Variants in ERVK3-1 observed in about 807,000 individuals in gnomAD.
ERVK3-1 encodes the protein HERV-K(HML6-1).
Position 58,314,746 on chromosome 19 carries a change from A to G in ERVK3-1, c.295-2A>G, listed in dbSNP as rs1406881457. 1.0e-5 allele frequency: 4 copies of G among 399,282 alleles called. No individual in the cohort carries two copies. The highest frequency in any genetic ancestry group is 1.8e-5 in the Non-Finnish European group (4 of 225,812). The allele number at this position is 399,282 out of a possible 1,614,324, so 24.7% of individuals were successfully genotyped here. A position where few individuals can be genotyped will look rare whatever the true frequency, so the allele number is the denominator to read the frequency against. On this transcript the variant is annotated splice_acceptor_variant, in intron 3 of 3. Coordinates refer to ENST00000413518, the Ensembl canonical transcript of ERVK3-1. LOFTEE classifies it high-confidence loss of function. ...GTTATGTCTCTGTTTTTTTGCTCAT[A>G]GTCTATAGGATCGGGTGAACCACCA...
At chr19:58,308,212 A>T (rs1049993164) in intron 2 of ERVK3-1, among the ~76,000 whole-genome samples, 1 of 152,266 alleles carries the variant, frequency 6.6e-6, no homozygotes, top group African/African-American at 2.4e-5. Flanking sequence ...ACAACTACAC[A>T]GGAAATTTAC....
At chr19:58,307,066 G>C (rs1568532278) in intron 2 of ERVK3-1, among the ~76,000 whole-genome samples, 1 of 152,246 alleles carries the variant, frequency 6.6e-6, no homozygotes, top group Non-Finnish European at 1.5e-5. Context: ...GAACATTACA[G>C]AGGAAATGCT....
intron 2 of ERVK3-1, 27 bp downstream of exon 2, chr19:58,306,243 G>A (rs866379591): frequency 1.1e-4 from 16 of 152,364 alleles, no homozygotes; most frequent in African/African-American, 3.1e-4. Context: ...GGTATCGGGA[G>A]CGGGAGGTTT....
At chr19:58,308,282 GTGT>G (rs995957007) in intron 2 of ERVK3-1, among the ~76,000 whole-genome samples, 13 of 152,242 alleles carry the variant, frequency 8.5e-5, no homozygotes, top group African/African-American at 2.4e-4. Flanking sequence ...AAGGAAAGAA[GTGT>G]TGTGGGTGTA....
In ERVK3-1 at chr19:58,313,570, C is replaced by T. The variant is rs2051570781; in HGVS notation, c.294+1108C>T. 6.6e-6 allele frequency among the ~76,000 whole-genome samples: 1 copy of T among 152,232 alleles called. No homozygotes were observed. The highest frequency in any genetic ancestry group is 2.4e-5 in the African/African-American group (1 of 41,460). On this transcript the variant is annotated intron_variant, in intron 3 of 3. Transcript: ENST00000413518. The surrounding 1 kb of genome is among the most constrained non-coding windows in gnomAD (Gnocchi z 4.5). ...CTTCCCAAAGTGCTGGGATTACAGG[C>T]GTGAGCCACCATGCCCGGCCAGTTT...
Position 58,313,347 on chromosome 19 carries a change from C to T in ERVK3-1, c.294+885C>T, listed in dbSNP as rs973817934. Among the ~76,000 whole-genome samples, 3 of 152,124 alleles carry T rather than the reference C, an allele frequency of 2.0e-5. No homozygotes were observed. Among genetic ancestry groups the T allele is most frequent in the Non-Finnish European group, 4.4e-5 (3 of 68,028 alleles). On this transcript the variant is annotated intron_variant, in intron 3 of 3. Coordinates refer to ENST00000413518, the Ensembl canonical transcript of ERVK3-1. This position sits in a 1 kb window ranked among gnomAD's most constrained non-coding sequence, Gnocchi z 4.5. ...TGTCGCCCAGGCTGGAGTGCAGTGGCGCAATCTCGGGTCACTGCAACCTTT... is the reference window on the plus strand; with the variant it reads ...TGTCGCCCAGGCTGGAGTGCAGTGGTGCAATCTCGGGTCACTGCAACCTTT...
intron 3 of ERVK3-1, 84 bp from the exon 4 acceptor site, chr19:58,314,664 G>A: frequency 2.8e-6 from 1 of 357,258 alleles, no homozygotes; most frequent in Non-Finnish European, 5.0e-6. Context: ...TCAACCCTTG[G>A]ACCTACCTTA....
In ERVK3-1 at chr19:58,313,370, T is replaced by A. The variant is rs1310516571; in HGVS notation, c.294+908T>A. 6.6e-6 allele frequency among the ~76,000 whole-genome samples: 1 copy of A among 152,172 alleles called. No individual in the cohort carries two copies. The highest frequency in any genetic ancestry group is 1.9e-4 in the East Asian group (1 of 5,198). Reference sequence around the variant, plus strand: ...GGCGCAATCTCGGGTCACTGCAACCTTTGCCTCCCGGGTTCAAGCAATTGT... The same window carrying A: ...GGCGCAATCTCGGGTCACTGCAACCATTGCCTCCCGGGTTCAAGCAATTGT... On this transcript the variant is annotated intron_variant, in intron 3 of 3. Transcript: ENST00000413518. The surrounding 1 kb of genome is among the most constrained non-coding windows in gnomAD (Gnocchi z 4.5).
At position 58,310,846 on chromosome 19, in the gene ERVK3-1, C is replaced by T. The variant is rs1230034030; in HGVS notation, c.-3-1320C>T. ...AGGGAGACCGCCCCCCACCCTTTCC[C>T]GGTCTGCTAAGTAGCGGGTGTTGTT... On this transcript the variant is annotated intron_variant, in intron 2 of 3. Coordinates refer to ENST00000413518, the Ensembl canonical transcript of ERVK3-1. The surrounding 1 kb of genome is among the most constrained non-coding windows in gnomAD (Gnocchi z 4.7). The T allele has an allele frequency of 4.8e-5, 19 of 398,918 alleles. No homozygotes were observed. Among genetic ancestry groups the T allele is most frequent in the African/African-American group, 2.1e-4 (10 of 48,132 alleles). The allele number at this position is 398,918 out of a possible 1,614,324, so 24.7% of individuals were successfully genotyped here.
intron 2 of ERVK3-1, chr19:58,309,661 C>T (rs551074493): frequency 1.5e-4 from 23 of 152,314 alleles, no homozygotes; most frequent in Admixed American, 3.3e-4. Context: ...GTTTATTCTT[C>T]CTACCCCCCA....
rs1235437437 is a variant in ERVK3-1 at position 58,313,012 on chromosome 19, C to T, written c.294+550C>T. 6.6e-6 allele frequency: 1 copy of T among 152,304 alleles called. No individual in the cohort carries two copies. Among genetic ancestry groups the T allele is most frequent in the Non-Finnish European group, 1.5e-5 (1 of 68,106 alleles). 9.4% of individuals were successfully genotyped at this position (152,304 alleles called of 1,614,324 possible). On this transcript the variant is annotated intron_variant, in intron 3 of 3. Transcript: ENST00000413518. The surrounding 1 kb of genome is among the most constrained non-coding windows in gnomAD (Gnocchi z 4.5). ...ACTGGCACTGGTGGTGGACCTTCAA[C>T]ACCTCTTCATCACATCACACTGGGA...
At chr19:58,315,812 A>T (rs1242761707), downstream of ERVK3-1, 1 of 152,282 alleles carries the variant, frequency 6.6e-6, no homozygotes, top group Non-Finnish European at 1.5e-5. Context: ...GCCTGTGCTC[A>T]TTAGCCATAC....
chr19:58,310,248 T>C lies in ERVK3-1; in HGVS notation c.-3-1918T>C, dbSNP rs539851896. Reference sequence around the variant, plus strand: ...TAGCTAGTTGCATTAAAACTGCCACTATCAAGAGTGTACGGACCAGCCCCA... The same window carrying C: ...TAGCTAGTTGCATTAAAACTGCCACCATCAAGAGTGTACGGACCAGCCCCA... On this transcript the variant is annotated intron_variant, in intron 2 of 3. Transcript: ENST00000413518. The surrounding 1 kb of genome is among the most constrained non-coding windows in gnomAD (Gnocchi z 4.7). 3.9e-5 allele frequency: 6 copies of C among 152,364 alleles called. No individual in the cohort carries two copies. Among genetic ancestry groups the C allele is most frequent in the African/African-American group, 1.4e-4 (6 of 41,454 alleles). The allele number at this position is 152,364 out of a possible 1,614,324, so 9.4% of individuals were successfully genotyped here.
At chr19:58,306,359 A>ACAT (rs1444122720) in intron 2 of ERVK3-1, 143 bp downstream of exon 2, 7 of 152,232 alleles carry the variant, frequency 4.6e-5, no homozygotes, top group African/African-American at 1.7e-4. Context: ...TAGTTCTCAA[A>ACAT]CATTAAGCTT....
intron 2 of ERVK3-1, 138 bp downstream of exon 2, chr19:58,306,354 C>G (rs1354896316): frequency 6.6e-6 from 1 of 152,216 alleles, no homozygotes; most frequent in Non-Finnish European, 1.5e-5. Context: ...CGGGTTAGTT[C>G]TCAAACATTA....
intron 2 of ERVK3-1, chr19:58,309,730 C>CT (rs935872829): frequency 2.0e-5 from 3 of 152,148 alleles, no homozygotes; most frequent in Non-Finnish European, 4.4e-5. Context: ...AATAGAATGG[C>CT]TTTTTTTATC....
intron 2 of ERVK3-1, chr19:58,311,526 A>G (rs968352816): frequency 1.3e-5 from 2 of 152,186 alleles, no homozygotes; most frequent in South Asian, 4.1e-4. Flanking sequence ...AGCCTGCCCC[A>G]CTTGCCAGCA....
downstream of ERVK3-1, among the ~76,000 whole-genome samples, chr19:58,316,781 A>G: frequency 6.6e-6 from 1 of 152,270 alleles, no homozygotes; most frequent in East Asian, 1.9e-4. Flanking sequence ...ATGTCCATAC[A>G]TTTTATTAAT....
At position 58,312,586 on chromosome 19, in the gene ERVK3-1, C is replaced by T. The variant is rs541826599; in HGVS notation, c.294+124C>T. ...ATATTATGATCAGGGAGCGTGGGCA[C>T]CAGGACCCCTAACTCCGTCTGACAC... On this transcript the variant is annotated intron_variant, in intron 3 of 3. Transcript: ENST00000413518. This position sits in a 1 kb window ranked among gnomAD's most constrained non-coding sequence, Gnocchi z 4.7. 3.3e-5 allele frequency: 13 copies of T among 398,338 alleles called. No homozygotes were observed. 24.7% of individuals were successfully genotyped at this position (398,338 alleles called of 1,614,324 possible). A position where few individuals can be genotyped will look rare whatever the true frequency, so the allele number is the denominator to read the frequency against.
Sources: allele counts gnomAD v4.1 joint callset (sites outside exome capture counted in the v4.1 genomes callset), GRCh38; gene constraint gnomAD v4.1.1; non-coding constraint Gnocchi (gnomAD v3.1); transcripts MANE v1.5; gene names NCBI Gene and HGNC (gene_info 2026-07-23, HGNC 2026-07-21).